The following CSMD1 variants were observed in gnomAD, a reference collection of about 807,000 sequenced individuals.
CSMD1 encodes CUB and Sushi multiple domains 1.
In CSMD1, 213 loss-of-function variants were observed where a neutral mutation model predicts 417.5. The ratio of observed to expected loss-of-function variants is 0.51; its 90% CI spans 0.46 to 0.57. The LOEUF (loss-of-function observed/expected upper bound fraction) is 0.57. Among genes scored for constraint, CSMD1 ranks in the 20% least tolerant of loss-of-function variants. The pLI, the probability that CSMD1 is intolerant of heterozygous loss-of-function variation, is 0.00. For missense variants in CSMD1, 6,923 were observed against 4,529.7 expected (o/e 1.53, Z -15.17); for synonymous variants, 2,862 against 1,736.8 (o/e 1.65, Z -16.11).
intron 3 of CSMD1, among the ~76,000 whole-genome samples, chr8:4,144,550 A>G (rs1166425533): frequency 6.6e-6 from 1 of 150,968 alleles, no homozygotes. Context: ...ATCTGGTTAG[A>G]GTCTCCTAAT....
intron 41 of CSMD1, among the ~76,000 whole-genome samples, chr8:3,126,291 T>C (rs1475221417): frequency 6.6e-6 from 1 of 152,202 alleles, no homozygotes; most frequent in Non-Finnish European, 1.5e-5. Flanking sequence ...GAAAGAATTG[T>C]CTAGTTTCTT....
At chr8:4,734,574 A>C (rs1461745714) in intron 1 of CSMD1, among the ~76,000 whole-genome samples, 2 of 152,212 alleles carry the variant, frequency 1.3e-5, no homozygotes, top group African/African-American at 4.8e-5. Context: ...GCTGGGTATT[A>C]AATTATATGC....
At chr8:3,531,689 A>T (rs1797987028) in intron 10 of CSMD1, among the ~76,000 whole-genome samples, 2 of 152,230 alleles carry the variant, frequency 1.3e-5, no homozygotes, top group South Asian at 2.1e-4. Flanking sequence ...GAGGGCAAAG[A>T]GTCCTCAGCA....
intron 18 of CSMD1, among the ~76,000 whole-genome samples, chr8:3,379,171 T>G (rs1420866513): frequency 3.3e-5 from 5 of 152,076 alleles, no homozygotes; most frequent in Admixed American, 3.3e-4. Context: ...AATAAAATGC[T>G]GAGGAATACA....
chr8:4,363,181 G>C lies in CSMD1; in HGVS notation c.415+56772C>G, dbSNP rs540619680. On this transcript the variant is annotated intron_variant, in intron 3 of 69. Transcript: ENST00000635120. ...AAACATACCTAAACAGGCTTAAACA[G>C]GAAATGCCACCATTTTGTATTTGGT... Among the ~76,000 whole-genome samples the C allele has an allele frequency of 3.0e-3, 458 of 152,276 alleles. 1 individual carries two copies. Among genetic ancestry groups the C allele is most frequent in the Non-Finnish European group, 5.1e-3 (350 of 68,022 alleles).
intron 1 of CSMD1, among the ~76,000 whole-genome samples, chr8:4,990,494 G>C (rs573552221): frequency 3.7e-4 from 56 of 152,178 alleles, no homozygotes; most frequent in African/African-American, 1.2e-3. Flanking sequence ...CTCCTGAATA[G>C]CTGGGATTAC....
At chr8:4,166,178 A>G (rs764440211) in intron 3 of CSMD1, among the ~76,000 whole-genome samples, 1 of 152,214 alleles carries the variant, frequency 6.6e-6, no homozygotes, top group Non-Finnish European at 1.5e-5. Flanking sequence ...AGTCTACTTG[A>G]AAAGCAAATG....
chr8:4,318,377 G>C (rs933120530), intron 3 of CSMD1, among the ~76,000 whole-genome samples: 1 of 151,830 alleles, frequency 6.6e-6, no homozygotes, highest in East Asian at 1.9e-4. Flanking sequence ...GCACACTCTC[G>C]TACACATCTC....
intron 3 of CSMD1, among the ~76,000 whole-genome samples, chr8:4,174,750 A>ATGTGAGGAAGAGGGAGGTGAGG (rs1797947129): frequency 2.0e-3 from 1 of 506 alleles, no homozygotes. Context: ...TGTGAGGAAG[A>ATGTGAGGAAGAGGGAGGTGAGG]GGGATGTGAG....
At chr8:4,841,438 A>G (rs1157666693) in intron 1 of CSMD1, among the ~76,000 whole-genome samples, 2 of 152,184 alleles carry the variant, frequency 1.3e-5, no homozygotes, top group East Asian at 1.9e-4. Flanking sequence ...TCCCTACCAC[A>G]TGTTATGTGT....
At chr8:4,065,873 T>TCTTC (rs1799219603) in intron 3 of CSMD1, among the ~76,000 whole-genome samples, 1 of 152,210 alleles carries the variant, frequency 6.6e-6, no homozygotes, top group Admixed American at 6.5e-5. Flanking sequence ...TCCTTCACTG[T>TCTTC]CTTCCATAAG....
chr8:4,301,507 G>A (rs1413274986), intron 3 of CSMD1, among the ~76,000 whole-genome samples: 1 of 152,142 alleles, frequency 6.6e-6, no homozygotes, highest in Non-Finnish European at 1.5e-5. Flanking sequence ...TCTATTGAAA[G>A]CTCTACTCTT....
rs143801546 is a variant in CSMD1 at position 4,827,246 on chromosome 8, C to G, written c.85+167086G>C. ...TATTTTTCACAGGTATTTTTGTAAT[C>G]CAAATGAATTTAAGGACTAATATTT... On this transcript the variant is annotated intron_variant, in intron 1 of 69. Coordinates refer to ENST00000635120, the MANE Select transcript of CSMD1 (RefSeq NM_033225.6). Among the ~76,000 whole-genome samples the G allele has an allele frequency of 9.2e-5, 14 of 152,112 alleles. No individual in the cohort carries two copies. In the East Asian group the frequency reaches 1.9e-3, roughly 21 times the overall value.
chr8:2,993,484 C>G (rs994922692), intron 54 of CSMD1, among the ~76,000 whole-genome samples: 3 of 152,130 alleles, frequency 2.0e-5, no homozygotes, highest in Non-Finnish European at 4.4e-5. Context: ...AAAGCACAGC[C>G]CAACTCTCAG....
chr8:4,829,713 G>A (rs1398251350), intron 1 of CSMD1, among the ~76,000 whole-genome samples: 1 of 146,876 alleles, frequency 6.8e-6, no homozygotes, highest in Non-Finnish European at 1.5e-5. Flanking sequence ...ACTCCAGCTT[G>A]GATGGCAGAG....
At chr8:3,764,188 C>G (rs77219033) in intron 5 of CSMD1, among the ~76,000 whole-genome samples, 1 of 152,242 alleles carries the variant, frequency 6.6e-6, no homozygotes, top group African/African-American at 2.4e-5. Context: ...AGATTTGCAC[C>G]GTACGCATTA....
chr8:3,660,120 T>A (rs978003506), intron 7 of CSMD1, among the ~76,000 whole-genome samples: 1 of 152,224 alleles, frequency 6.6e-6, no homozygotes, highest in Non-Finnish European at 1.5e-5. Context: ...ATTTTATAGT[T>A]TGCAAAATAC....
At chr8:4,467,189 T>A (rs1800231893) in intron 2 of CSMD1, among the ~76,000 whole-genome samples, 1 of 151,778 alleles carries the variant, frequency 6.6e-6, no homozygotes, top group Non-Finnish European at 1.5e-5. Context: ...GTAAACAATG[T>A]TCAAAGTCCT....
chr8:3,932,029 C>T (rs114314641), intron 5 of CSMD1, among the ~76,000 whole-genome samples: 2,250 of 150,160 alleles, frequency 0.015, 165 homozygotes, highest in African/African-American at 0.051. Flanking sequence ...AATTTTGTGA[C>T]TTCAGTTCTA....
Sources: allele counts gnomAD v4.1 joint callset (sites outside exome capture counted in the v4.1 genomes callset), GRCh38; gene constraint gnomAD v4.1.1; transcripts MANE v1.5; gene names NCBI Gene and HGNC (gene_info 2026-07-23, HGNC 2026-07-21).